The following PRSS12 variants were observed in gnomAD, a reference collection of about 807,000 sequenced individuals.
PRSS12 encodes the protein serine protease 12.
In PRSS12, 85 loss-of-function variants were observed where a neutral mutation model predicts 104.4. The observed-to-expected ratio is 0.81, with a 90% CI of 0.68 to 0.98. The LOEUF is 0.98. PRSS12 is among the 50% of genes least tolerant of loss of function. PRSS12 has a pLI of 0.00. For synonymous variants in PRSS12, 454 were observed against 425.2 expected (o/e 1.07, Z -0.83); for missense variants, 1,141 against 1,139.2 (o/e 1.00, Z -0.02).
At chr4:118,284,057 A>G (rs1742957945) in intron 11 of PRSS12, among the ~76,000 whole-genome samples, 1 of 152,168 alleles carries the variant, frequency 6.6e-6, no homozygotes, top group African/African-American at 2.4e-5. Context: ...CCATCATACT[A>G]AAGTATGATG....
chr4:118,351,864 C>T lies in PRSS12; in HGVS notation c.502+355G>A, dbSNP rs553184466. ...TTTAATGTAAATATGGTAACCCACT[C>T]AACGTAAGCTAATCTAGAGAACAGA... is the stretch of plus-strand genomic sequence containing the variant. On this transcript the variant is annotated intron_variant, in intron 1 of 12. Transcript: ENST00000296498. 6.6e-5 allele frequency among the ~76,000 whole-genome samples: 10 copies of T among 152,202 alleles called. No homozygotes were observed. The East Asian group carries it at 1.9e-3, about 29-fold the overall frequency.
At chr4:118,294,840 A>G (rs1743215945) in intron 11 of PRSS12, 99 bp downstream of exon 11, 1 of 1,524,816 alleles carries the variant, frequency 6.6e-7, no homozygotes, top group Admixed American at 1.7e-5. Flanking sequence ...GAAAGCTCAT[A>G]GCCTGGCTCT....
Position 118,307,074 on chromosome 4 carries a change from T to C in PRSS12, c.1631+1362A>G, listed in dbSNP as rs190583521. On this transcript the variant is annotated intron_variant, in intron 8 of 12. Transcript: ENST00000296498. The stretch of plus-strand genomic sequence containing the variant: ...ATGCAAGAACAAGAATAATTTTTTT[T>C]TCAAATGGAAAAAGGAGTGATAGAA... Among the ~76,000 whole-genome samples the C allele has an allele frequency of 2.7e-3, 414 of 152,296 alleles. 14 individuals carry two copies. The highest frequency in any genetic ancestry group is 0.024 in the Admixed American group (363 of 15,294).
rs1337070200 is a variant in PRSS12, at chr4:118,333,371, C to T, written c.821-1505G>A. 2.0e-5 allele frequency among the ~76,000 whole-genome samples: 3 copies of T among 152,284 alleles called. No homozygotes were observed. In the East Asian group the frequency reaches 5.8e-4, roughly 29 times the overall value. The stretch of plus-strand genomic sequence containing the variant: ...GCATTTGGATATTCACACTTAAATT[C>T]AAATATCATATTTGAGTTTTGTACA... On this transcript the variant is annotated intron_variant, in intron 3 of 12. Coordinates refer to ENST00000296498, the MANE Select transcript of PRSS12 (RefSeq NM_003619.4).
chr4:118,313,085 G>A (rs1305852606), intron 7 of PRSS12, 116 bp downstream of exon 7: 2 of 1,154,004 alleles, frequency 1.7e-6, no homozygotes, highest in African/African-American at 3.1e-5. Flanking sequence ...AGACAGTTAT[G>A]GGAAATAGAC....
At chr4:118,318,244 TTTTG>T (rs1370371663) in intron 5 of PRSS12, 130 bp downstream of exon 5, 10 of 873,740 alleles carry the variant, frequency 1.1e-5, no homozygotes, top group African/African-American at 1.7e-5. Context: ...TTTGCATTCT[TTTTG>T]TTTGTTTTAT....
intron 1 of PRSS12, among the ~76,000 whole-genome samples, chr4:118,346,310 G>A (rs1724353001): frequency 6.6e-6 from 1 of 151,852 alleles, no homozygotes; most frequent in Admixed American, 6.6e-5. Context: ...CACCCAAATT[G>A]ATTCAAGACA....
At chr4:118,327,013 T>C (rs1033695717) in intron 4 of PRSS12, among the ~76,000 whole-genome samples, 1 of 152,176 alleles carries the variant, frequency 6.6e-6, no homozygotes, top group Non-Finnish European at 1.5e-5. Context: ...TAAATAATGT[T>C]GTAAGAAAGT....
intron 8 of PRSS12, among the ~76,000 whole-genome samples, chr4:118,301,252 T>C (rs1158170266): frequency 6.6e-6 from 1 of 152,238 alleles, no homozygotes; most frequent in Non-Finnish European, 1.5e-5. Context: ...AGCCATTTCT[T>C]GGTCTTTATA....
chr4:118,331,706 A>G lies in PRSS12; in HGVS notation c.971+10T>C. The G allele has an allele frequency of 6.2e-7, 1 of 1,614,112 alleles. No homozygotes were observed. Among genetic ancestry groups the G allele is most frequent in the Admixed American group, 1.7e-5 (1 of 60,020 alleles). ...AAAGTTTAAGCAAAACAAGAGTAGT[A>G]AAAACAAACCTGAGGCCCAGCTGCC... is the stretch of plus-strand genomic sequence containing the variant. On this transcript the variant is annotated intron_variant, in intron 4 of 12. Coordinates refer to ENST00000296498, the MANE Select transcript of PRSS12 (RefSeq NM_003619.4).
intron 8 of PRSS12, among the ~76,000 whole-genome samples, chr4:118,306,664 A>G (rs1432616238): frequency 1.3e-5 from 2 of 152,164 alleles, no homozygotes; most frequent in Non-Finnish European, 2.9e-5. Context: ...AACACCTCCT[A>G]CCAGATCCCA....
At chr4:118,295,687 C>A (rs1743236611) in intron 10 of PRSS12, 91 bp downstream of exon 10, 1 of 1,166,920 alleles carries the variant, frequency 8.6e-7, no homozygotes, top group African/African-American at 1.5e-5. Context: ...GAGTACAAGT[C>A]CCTTATATAA....
chr4:118,352,915 C>G lies in PRSS12; in HGVS notation c.-195G>C. 16 of 1,347,996 alleles carry G rather than the reference C, an allele frequency of 1.2e-5. No homozygotes were observed. The highest frequency in any genetic ancestry group is 1.4e-5 in the Non-Finnish European group (15 of 1,045,360). The allele number at this position is 1,347,996 out of a possible 1,614,324, so 83.5% of individuals were successfully genotyped here. On this transcript the variant is annotated 5_prime_UTR_variant, in exon 1 of 13. Transcript: ENST00000296498. ...CCCTGCCGCGCCTCGGCTCCTGTCC[C>G]CTGGCGGCGGCCGCGGGTGGGGAAA...
chr4:118,331,645 A>T (rs1723919067), intron 4 of PRSS12, 71 bp downstream of exon 4: 4 of 1,590,296 alleles, frequency 2.5e-6, no homozygotes, highest in Non-Finnish European at 3.4e-6. Flanking sequence ...TTAAACAAAC[A>T]GCACCTGCCT....
intron 1 of PRSS12, among the ~76,000 whole-genome samples, chr4:118,342,666 GGAGGCCCCA>G (rs1724246865): frequency 6.6e-6 from 1 of 152,132 alleles, no homozygotes; most frequent in Admixed American, 6.5e-5. Flanking sequence ...GTCATGCAGT[GGAGGCCCCA>G]GAGTTCCTGA....
intron 11 of PRSS12, 73 bp downstream of exon 11, chr4:118,294,866 G>A (rs1743216499): frequency 6.3e-7 from 1 of 1,589,250 alleles, no homozygotes; most frequent in Non-Finnish European, 8.6e-7. Flanking sequence ...CTTGAGTGCT[G>A]TAGAGCATGA....
At chr4:118,342,991 T>G (rs1044312104) in intron 1 of PRSS12, among the ~76,000 whole-genome samples, 9 of 152,180 alleles carry the variant, frequency 5.9e-5, no homozygotes, top group African/African-American at 2.2e-4. Flanking sequence ...CAAGAAGAGT[T>G]CTCTTTAACC....
At chr4:118,286,807 A>T (rs1354698022) in intron 11 of PRSS12, among the ~76,000 whole-genome samples, 1 of 152,170 alleles carries the variant, frequency 6.6e-6, no homozygotes, top group Non-Finnish European at 1.5e-5. Context: ...TGGGGTTCAG[A>T]TCCACCGTCA....
At chr4:118,294,089 G>A (rs776877680) in intron 11 of PRSS12, among the ~76,000 whole-genome samples, 20 of 152,108 alleles carry the variant, frequency 1.3e-4, no homozygotes, top group Admixed American at 3.3e-4. Context: ...GGTATGTACC[G>A]TATGATATCA....
Sources: gnomAD v4.1 joint callset for allele counts (sites outside exome capture counted in the v4.1 genomes callset) on GRCh38, gnomAD v4.1.1 for gene constraint, MANE v1.5 for transcripts, NCBI Gene and HGNC (gene_info 2026-07-23, HGNC 2026-07-21) for gene names.